The following MACROH2A2 variants were observed in gnomAD, a reference collection of about 807,000 sequenced individuals.
The protein encoded by MACROH2A2 is core histone macro-H2A.2.
In MACROH2A2, 6 loss-of-function variants were observed where a neutral mutation model predicts 37.6. That is an observed-to-expected ratio of 0.16 (90% CI 0.09 to 0.32). The LOEUF (loss-of-function observed/expected upper bound fraction) is 0.32, where lower values mean the gene tolerates loss of function less well. Ranked by LOEUF, MACROH2A2 falls within the 10% of genes least tolerant of loss-of-function variation. MACROH2A2 has a pLI of 1.00. For synonymous variants in MACROH2A2, 192 were observed against 202.7 expected (o/e 0.95, Z 0.45); for missense variants, 290 against 485.9 (o/e 0.60, Z 3.79).
At chr10:70,062,739 C>T (rs2072057025) in intron 1 of MACROH2A2, among the ~76,000 whole-genome samples, 1 of 152,118 alleles carries the variant, frequency 6.6e-6, no homozygotes, top group Non-Finnish European at 1.5e-5. Flanking sequence ...TTTTTCAAAG[C>T]CTCGTTGTAG....
At chr10:70,086,896 A>G (rs2072215284) in intron 2 of MACROH2A2, among the ~76,000 whole-genome samples, 1 of 152,218 alleles carries the variant, frequency 6.6e-6, no homozygotes, top group Non-Finnish European at 1.5e-5. Context: ...ACCCAGAGCC[A>G]TAAAGCAAGC....
chr10:70,094,429 G>T (rs1214842258), intron 5 of MACROH2A2, among the ~76,000 whole-genome samples: 1 of 152,168 alleles, frequency 6.6e-6, no homozygotes. Flanking sequence ...CAAGTGTAAA[G>T]TTTACTGAGC....
In MACROH2A2 at chr10:70,053,310, G is replaced by T. The variant is rs1275947978; in HGVS notation, c.-60+310G>T. ...GAGGAGGGATGCGAGGTTCAGCAGC[G>T]GGCCCCAGGCGAGGCTGGACCCGGA... On this transcript the variant is annotated intron_variant, in intron 1 of 8. Coordinates refer to ENST00000373255, the MANE Select transcript of MACROH2A2 (RefSeq NM_018649.3). This position sits in a 1 kb window ranked among gnomAD's most constrained non-coding sequence, Gnocchi z 4.8. Among the ~76,000 whole-genome samples, 1 of 152,148 alleles carries T rather than the reference G, an allele frequency of 6.6e-6. No individual in the cohort carries two copies. The highest frequency in any genetic ancestry group is 1.5e-5 in the Non-Finnish European group (1 of 68,008).
chr10:70,085,686 G>T (rs1367564386), intron 2 of MACROH2A2, among the ~76,000 whole-genome samples: 6 of 152,340 alleles, frequency 3.9e-5, no homozygotes, highest in Non-Finnish European at 8.8e-5. Flanking sequence ...TAGATACTCA[G>T]CTGTATTCCA....
chr10:70,086,464 C>T (rs1392959498), intron 2 of MACROH2A2, among the ~76,000 whole-genome samples: 1 of 152,164 alleles, frequency 6.6e-6, no homozygotes, highest in Non-Finnish European at 1.5e-5. Context: ...CCTTCAGTCT[C>T]GTCCTATGCT....
intron 1 of MACROH2A2, among the ~76,000 whole-genome samples, chr10:70,060,367 T>TA (rs80278752): frequency 0.097 from 14,164 of 146,404 alleles, 831 homozygotes; most frequent in East Asian, 0.24. Context: ...CAGACTCTCT[T>TA]AAAAAAAAAA....
intron 6 of MACROH2A2, among the ~76,000 whole-genome samples, chr10:70,097,164 A>T (rs2072281022): frequency 6.6e-6 from 1 of 152,146 alleles, no homozygotes; most frequent in African/African-American, 2.4e-5. Context: ...GGGTCTTGGG[A>T]GGAGAAATGG....
At chr10:70,059,632 A>C (rs190481149) in intron 1 of MACROH2A2, among the ~76,000 whole-genome samples, 1 of 152,142 alleles carries the variant, frequency 6.6e-6, no homozygotes, top group Admixed American at 6.5e-5. Context: ...CGGCCTCCCA[A>C]AGTGTTGGGA....
intron 3 of MACROH2A2, 127 bp from the exon 4 acceptor site, chr10:70,091,630 C>T (rs868718327): frequency 4.8e-5 from 31 of 647,264 alleles, no homozygotes; most frequent in East Asian, 3.9e-4. Flanking sequence ...GCCAAGATCG[C>T]GCCACTGCAC....
In MACROH2A2 at chr10:70,053,616, G is replaced by C. The variant is rs2071990523; in HGVS notation, c.-60+616G>C. On this transcript the variant is annotated intron_variant, in intron 1 of 8. Transcript: ENST00000373255. The surrounding 1 kb of genome is among the most constrained non-coding windows in gnomAD (Gnocchi z 4.8). ...TCAGGTCGGGGACGCCGGGTGGCGG[G>C]GCGAGGGCTGGGGGTTGCTGCGCGG... Among the ~76,000 whole-genome samples the C allele has an allele frequency of 6.6e-6, 1 of 151,316 alleles. No individual in the cohort carries two copies. Among genetic ancestry groups the C allele is most frequent in the Non-Finnish European group, 1.5e-5 (1 of 67,778 alleles).
At chr10:70,055,427 G>A (rs779178910) in intron 1 of MACROH2A2, among the ~76,000 whole-genome samples, 14 of 152,262 alleles carry the variant, frequency 9.2e-5, no homozygotes, top group Non-Finnish European at 1.5e-4. Flanking sequence ...TTGTTGTTTT[G>A]AGATGGGGGT....
rs1420403356 is a variant in MACROH2A2 at position 70,053,074 on chromosome 10, A to C, written c.-60+74A>C. On this transcript the variant is annotated intron_variant, in intron 1 of 8. Transcript: ENST00000373255. This position sits in a 1 kb window ranked among gnomAD's most constrained non-coding sequence, Gnocchi z 4.8. ...TGGAAACAAAACGCGCCGCCGGGGC[A>C]GTGCAGGGGCCGGAGAGAACCACCT... The C allele has an allele frequency of 1.3e-5, 2 of 152,344 alleles. No homozygotes were observed. Among genetic ancestry groups the C allele is most frequent in the Non-Finnish European group, 2.9e-5 (2 of 68,184 alleles). The allele number at this position is 152,344 out of a possible 1,614,324, so 9.4% of individuals were successfully genotyped here. A position where few individuals can be genotyped will look rare whatever the true frequency, so the allele number is the denominator to read the frequency against.
At chr10:70,085,605 A>G (rs1233944002) in intron 2 of MACROH2A2, among the ~76,000 whole-genome samples, 1 of 152,250 alleles carries the variant, frequency 6.6e-6, no homozygotes, top group Non-Finnish European at 1.5e-5. Flanking sequence ...ATGAAGGGAC[A>G]TAGACTCTTC....
chr10:70,105,934 G>A (rs1589841509), intron 7 of MACROH2A2, among the ~76,000 whole-genome samples: 1 of 152,208 alleles, frequency 6.6e-6, no homozygotes, highest in East Asian at 1.9e-4. Flanking sequence ...GAAAGCTAAG[G>A]AGGAAAATGG....
At chr10:70,082,552 A>G (rs932740195) in intron 2 of MACROH2A2, among the ~76,000 whole-genome samples, 9 of 152,232 alleles carry the variant, frequency 5.9e-5, no homozygotes, top group African/African-American at 2.2e-4. Context: ...CGATCAACAG[A>G]CGAATGGATA....
intron 1 of MACROH2A2, among the ~76,000 whole-genome samples, chr10:70,072,523 C>T (rs1227244384): frequency 1.3e-5 from 2 of 152,180 alleles, no homozygotes; most frequent in Admixed American, 6.5e-5. Flanking sequence ...GTACCAGTAA[C>T]ATCGTCATTT....
At position 70,095,088 on chromosome 10, in the gene MACROH2A2, G is replaced by A. The variant is rs181199073; in HGVS notation, c.589-566G>A. ...AAGGGAAAGAAAGAAAGGAGAGGGG[G>A]CCAGGCGCGGTGGCTCACGCCTGTA... On this transcript the variant is annotated intron_variant, in intron 5 of 8. Transcript: ENST00000373255. Among the ~76,000 whole-genome samples the A allele has an allele frequency of 8.5e-5, 13 of 152,342 alleles. No individual in the cohort carries two copies. In the East Asian group the frequency reaches 2.5e-3, roughly 29 times the overall value.
At chr10:70,106,134 T>C (rs941467334) in intron 7 of MACROH2A2, among the ~76,000 whole-genome samples, 1 of 152,160 alleles carries the variant, frequency 6.6e-6, no homozygotes, top group African/African-American at 2.4e-5. Flanking sequence ...GAGTCCCCTT[T>C]TGCTGTGGTG....
At chr10:70,081,229 T>C (rs566047309) in intron 2 of MACROH2A2, among the ~76,000 whole-genome samples, 2 of 152,088 alleles carry the variant, frequency 1.3e-5, no homozygotes, top group South Asian at 2.1e-4. Flanking sequence ...GAGGATTACA[T>C]AAAATAATGC....
Sources: gnomAD v4.1 joint callset for allele counts (sites outside exome capture counted in the v4.1 genomes callset) on GRCh38, gnomAD v4.1.1 for gene constraint, Gnocchi (gnomAD v3.1) non-coding constraint, MANE v1.5 for transcripts, NCBI Gene and HGNC (gene_info 2026-07-23, HGNC 2026-07-21) for gene names.